Variants in PDLIM5 observed in about 807,000 individuals in gnomAD.
PDLIM5 encodes PDZ and LIM domain 5, also known as PDZ and LIM domain protein 5.
Under a neutral mutation model 64.2 loss-of-function variants are expected in PDLIM5, and 34 were observed. The observed-to-expected ratio is 0.53, with a 90% CI of 0.40 to 0.71. The LOEUF (loss-of-function observed/expected upper bound fraction) is 0.71. Ranked by LOEUF, PDLIM5 falls within the 30% of genes least tolerant of loss-of-function variation. The pLI is 0.00. For missense variants in PDLIM5, 683 were observed against 733.6 expected (o/e 0.93, Z 0.80); for synonymous variants, 253 against 269.1 (o/e 0.94, Z 0.59).
chr4:94,584,799 G>C (rs1736025238), intron 5 of PDLIM5: 2 of 522,588 alleles, frequency 3.8e-6, no homozygotes, highest in Non-Finnish European at 6.9e-6. Flanking sequence ...AATGGCCGTT[G>C]TGAATATTGT....
intron 2 of PDLIM5, among the ~76,000 whole-genome samples, chr4:94,501,730 A>G (rs1425613430): frequency 6.6e-6 from 1 of 152,160 alleles, no homozygotes; most frequent in Non-Finnish European, 1.5e-5. Flanking sequence ...TTTTTCAATC[A>G]TATTTGAGAT....
chr4:94,510,076 A>C (rs1728738894), intron 2 of PDLIM5, among the ~76,000 whole-genome samples: 2 of 152,348 alleles, frequency 1.3e-5, no homozygotes, highest in South Asian at 4.1e-4. Flanking sequence ...ATAGTAAATG[A>C]ATAAATGCAT....
chr4:94,517,480 T>C lies in PDLIM5; in HGVS notation c.97-6244T>C, dbSNP rs3805295. Among the ~76,000 whole-genome samples the C allele has an allele frequency of 2.0e-5, 3 of 152,216 alleles. No individual in the cohort carries two copies. The East Asian group carries it at 5.8e-4, about 29-fold the overall frequency. ...AAGAAAAATAACACTTTCTCAGTGC[T>C]TTTTCTGCCTCAAGAAAGTCTTGTT... On this transcript the variant is annotated intron_variant, in intron 2 of 12. Coordinates refer to ENST00000317968, the MANE Select transcript of PDLIM5 (RefSeq NM_006457.5).
intron 2 of PDLIM5, among the ~76,000 whole-genome samples, chr4:94,496,949 G>A (rs1029340415): frequency 6.6e-6 from 1 of 152,192 alleles, no homozygotes; most frequent in East Asian, 1.9e-4. Context: ...TTTCATTATA[G>A]TGTAGTTGCC....
intron 7 of PDLIM5, among the ~76,000 whole-genome samples, chr4:94,601,681 A>G (rs146764324): frequency 6.2e-4 from 95 of 152,340 alleles, no homozygotes; most frequent in African/African-American, 2.1e-3. Context: ...AAGCAAGGAT[A>G]ACTCTACTTG....
At chr4:94,593,845 T>C (rs894969405) in intron 7 of PDLIM5, among the ~76,000 whole-genome samples, 7 of 152,220 alleles carry the variant, frequency 4.6e-5, no homozygotes, top group African/African-American at 1.7e-4. Context: ...AGCATTGTTG[T>C]CACCTCTCTT....
At chr4:94,661,191 C>A (rs1303574488) in intron 11 of PDLIM5, among the ~76,000 whole-genome samples, 1 of 152,136 alleles carries the variant, frequency 6.6e-6, no homozygotes, top group African/African-American at 2.4e-5. Context: ...GAGTTCAAAA[C>A]CAGCATGGGC....
chr4:94,638,121 A>C (rs17021914), intron 8 of PDLIM5, among the ~76,000 whole-genome samples: 3,822 of 152,212 alleles, frequency 0.025, 165 homozygotes, highest in East Asian at 0.15. Flanking sequence ...TCTTGAATTT[A>C]AAGATAATAA....
chr4:94,545,941 A>C (rs1732275322), intron 3 of PDLIM5, among the ~76,000 whole-genome samples: 1 of 152,168 alleles, frequency 6.6e-6, no homozygotes, highest in Admixed American at 6.5e-5. Flanking sequence ...TGTTTTTTGA[A>C]ATATGTCTTA....
At position 94,665,128 on chromosome 4, in the gene PDLIM5, T is replaced by C. The variant is rs10590; in HGVS notation, c.*1061T>C. 312,610 of 942,372 alleles carry C rather than the reference T, an allele frequency of 0.33. 53,113 individuals are homozygous for C. Among genetic ancestry groups the C allele is most frequent in the Non-Finnish European group, 0.34 (272,066 of 790,416 alleles). 58.4% of individuals were successfully genotyped at this position (942,372 alleles called of 1,614,324 possible). On this transcript the variant is annotated 3_prime_UTR_variant, in exon 13 of 13. Coordinates refer to ENST00000317968, the MANE Select transcript of PDLIM5 (RefSeq NM_006457.5). Reference sequence around the variant, plus strand: ...AGGCAAATTCCATTTTTTTCCCTTGTGCTAAGGTAAAGATTTAATTAAATA... The same window carrying C: ...AGGCAAATTCCATTTTTTTCCCTTGCGCTAAGGTAAAGATTTAATTAAATA...
At chr4:94,648,118 C>A (rs1398460149) in intron 9 of PDLIM5, among the ~76,000 whole-genome samples, 1 of 151,940 alleles carries the variant, frequency 6.6e-6, no homozygotes, top group Non-Finnish European at 1.5e-5. Flanking sequence ...AGAAAAAGAT[C>A]AAACTAAGTC....
intron 8 of PDLIM5, among the ~76,000 whole-genome samples, chr4:94,637,091 ATAAAC>A (rs774765261): frequency 9.6e-4 from 146 of 152,270 alleles, no homozygotes; most frequent in Admixed American, 1.8e-3. Context: ...GGGATAGTGA[ATAAAC>A]TATAGCATAG....
At chr4:94,472,184 G>A (rs1487043944) in intron 2 of PDLIM5, among the ~76,000 whole-genome samples, 4 of 151,738 alleles carry the variant, frequency 2.6e-5, no homozygotes, top group Admixed American at 6.6e-5. Context: ...ACACGCACAC[G>A]CACCCTGTAG....
chr4:94,642,078 A>G (rs561437007), intron 9 of PDLIM5, among the ~76,000 whole-genome samples: 4 of 152,218 alleles, frequency 2.6e-5, no homozygotes, highest in Non-Finnish European at 5.9e-5. Context: ...TTTTGGTTTA[A>G]TATCGATAAA....
chr4:94,544,908 A>G (rs1026598489), intron 3 of PDLIM5, among the ~76,000 whole-genome samples: 3 of 152,212 alleles, frequency 2.0e-5, no homozygotes, highest in African/African-American at 7.2e-5. Context: ...TCTTGATGCA[A>G]AGATTAGCAA....
At chr4:94,546,222 C>T (rs2110198089) in intron 3 of PDLIM5, among the ~76,000 whole-genome samples, 1 of 152,260 alleles carries the variant, frequency 6.6e-6, no homozygotes, top group East Asian at 1.9e-4. Flanking sequence ...AATGATATTG[C>T]ATTGTCAGTA....
At chr4:94,604,246 G>C (rs1298245046) in intron 7 of PDLIM5, among the ~76,000 whole-genome samples, 1 of 152,182 alleles carries the variant, frequency 6.6e-6, no homozygotes, top group African/African-American at 2.4e-5. Context: ...AGTAAAATGA[G>C]GAATGTGCAC....
At chr4:94,570,246 A>G (rs1384327567) in intron 3 of PDLIM5, among the ~76,000 whole-genome samples, 1 of 152,206 alleles carries the variant, frequency 6.6e-6, no homozygotes, top group Non-Finnish European at 1.5e-5. Context: ...TGGTACTCAC[A>G]TGGGCTAAAG....
intron 5 of PDLIM5, chr4:94,584,955 T>C: frequency 6.8e-7 from 1 of 1,479,792 alleles, no homozygotes; most frequent in Non-Finnish European, 9.4e-7. Flanking sequence ...TGGAAATCTT[T>C]CTTCTGCTGC....
Sources: allele counts gnomAD v4.1 joint callset (sites outside exome capture counted in the v4.1 genomes callset), GRCh38; gene constraint gnomAD v4.1.1; transcripts MANE v1.5; gene names NCBI Gene and HGNC (gene_info 2026-07-23, HGNC 2026-07-21).